Variants in CLSTN2 observed in about 807,000 individuals in gnomAD.
The protein encoded by CLSTN2 is calsyntenin 2.
In CLSTN2, 48 loss-of-function variants were observed where a neutral mutation model predicts 101.2. That is an observed-to-expected ratio of 0.47 (90% CI 0.38 to 0.60). CLSTN2 has a LOEUF of 0.60. CLSTN2 is among the 20% of genes least tolerant of loss of function. The probability of loss-of-function intolerance (pLI) is 0.00; values close to 1 mark genes in which losing one functional copy is unlikely to be tolerated. For synonymous variants in CLSTN2, 481 were observed against 463.6 expected, an observed-to-expected ratio of 1.04 and a Z score of -0.48; for missense variants, 1,160 against 1,238.2, an observed-to-expected ratio of 0.94 and a Z score of 0.95.
At chr3:140,076,109 C>T (rs1443555565) in intron 1 of CLSTN2, among the ~76,000 whole-genome samples, 1 of 152,178 alleles carries the variant, frequency 6.6e-6, no homozygotes, top group Non-Finnish European at 1.5e-5. Flanking sequence ...ATCCGGCCTT[C>T]TGTATGTGTT....
chr3:140,466,075 C>T (rs536628954), intron 7 of CLSTN2, among the ~76,000 whole-genome samples: 20 of 152,236 alleles, frequency 1.3e-4, no homozygotes, highest in African/African-American at 4.3e-4. Flanking sequence ...GAAAATCAAC[C>T]TCTCCCCTCC....
At chr3:140,437,098 G>A (rs752447043) in intron 5 of CLSTN2, among the ~76,000 whole-genome samples, 2 of 150,852 alleles carry the variant, frequency 1.3e-5, no homozygotes, top group Middle Eastern at 3.2e-3. Flanking sequence ...GCCCAGGCTG[G>A]AGTGCAGTGG....
chr3:140,111,090 T>C (rs1400574333), intron 1 of CLSTN2, among the ~76,000 whole-genome samples: 1 of 152,196 alleles, frequency 6.6e-6, no homozygotes, highest in African/African-American at 2.4e-5. Context: ...TCCTATCTCA[T>C]GGCTAATCAT....
rs1025208845 is a variant in CLSTN2, at chr3:140,420,585, T to G, written c.638-540T>G. ...CTTCTTCGGGGCGAAAAGTGTGTTA[T>G]TCTATGTCGCTTTCAGAAGGGAGGT... On this transcript the variant is annotated intron_variant, in intron 4 of 16. Coordinates refer to ENST00000458420, the MANE Select transcript of CLSTN2 (RefSeq NM_022131.3). Among the ~76,000 whole-genome samples, 8 of 152,224 alleles carry G rather than the reference T, an allele frequency of 5.3e-5. No homozygotes were observed. In the East Asian group the frequency reaches 1.5e-3, roughly 29 times the overall value.
At chr3:140,078,550 G>C (rs901096667) in intron 1 of CLSTN2, among the ~76,000 whole-genome samples, 8 of 152,166 alleles carry the variant, frequency 5.3e-5, no homozygotes, top group African/African-American at 1.9e-4. Context: ...ATGACTGACA[G>C]GTGAAAAGCT....
intron 1 of CLSTN2, among the ~76,000 whole-genome samples, chr3:140,121,111 G>T (rs961630889): frequency 1.3e-5 from 2 of 152,138 alleles, no homozygotes; most frequent in African/African-American, 4.8e-5. Context: ...AAGTAGTGCG[G>T]TGTCTCAGAG....
intron 1 of CLSTN2, among the ~76,000 whole-genome samples, chr3:140,065,664 A>G (rs533071408): frequency 1.4e-3 from 213 of 152,298 alleles, no homozygotes; most frequent in African/African-American, 4.8e-3. Flanking sequence ...CTAAGATACT[A>G]TAAAGTCTCT....
intron 10 of CLSTN2, among the ~76,000 whole-genome samples, chr3:140,547,506 GA>G (rs1034246337): frequency 6.6e-6 from 1 of 151,454 alleles, no homozygotes; most frequent in Non-Finnish European, 1.5e-5. Context: ...AGAAGAAAAA[GA>G]AAAAAAACAT....
At chr3:140,298,574 C>T (rs373849592) in intron 2 of CLSTN2, among the ~76,000 whole-genome samples, 1 of 152,102 alleles carries the variant, frequency 6.6e-6, no homozygotes, top group African/African-American at 2.4e-5. Context: ...CAGGGTTTGT[C>T]CCCCAGGAAC....
intron 9 of CLSTN2, among the ~76,000 whole-genome samples, chr3:140,545,640 C>T (rs758382785): frequency 1.3e-5 from 2 of 152,096 alleles, no homozygotes; most frequent in Non-Finnish European, 2.9e-5. Flanking sequence ...CTAGGGAAGG[C>T]GAGGCTTCAA....
chr3:140,554,290 A>G (rs577044049), intron 10 of CLSTN2, among the ~76,000 whole-genome samples: 3 of 152,220 alleles, frequency 2.0e-5, no homozygotes, highest in African/African-American at 7.2e-5. Context: ...TGTCAACAAT[A>G]GTGCTCATGA....
intron 1 of CLSTN2, among the ~76,000 whole-genome samples, chr3:140,143,716 T>C (rs1470101504): frequency 6.6e-6 from 1 of 152,216 alleles, no homozygotes; most frequent in Non-Finnish European, 1.5e-5. Flanking sequence ...CCTAATCAGT[T>C]GTGTAGGAAC....
chr3:140,293,946 C>T (rs1049782339), intron 2 of CLSTN2, among the ~76,000 whole-genome samples: 2 of 152,190 alleles, frequency 1.3e-5, no homozygotes, highest in Admixed American at 6.5e-5. Context: ...GACTGAGATG[C>T]AAACCATGGG....
chr3:140,501,162 T>C (rs1934566378), intron 8 of CLSTN2, among the ~76,000 whole-genome samples: 1 of 152,202 alleles, frequency 6.6e-6, no homozygotes, highest in African/African-American at 2.4e-5. Context: ...CACCTTGCTC[T>C]TGTTCTCTTT....
intron 2 of CLSTN2, among the ~76,000 whole-genome samples, chr3:140,326,825 C>G (rs2087336067): frequency 6.6e-6 from 1 of 152,160 alleles, no homozygotes; most frequent in Admixed American, 6.5e-5. Context: ...TTCGGTGTGA[C>G]ATTTTCCAAA....
At chr3:140,404,140 G>A (rs537419313) in intron 3 of CLSTN2, among the ~76,000 whole-genome samples, 3 of 152,334 alleles carry the variant, frequency 2.0e-5, no homozygotes, top group African/African-American at 7.2e-5. Context: ...CCTTTCCCTG[G>A]GCCTCTGCCG....
intron 1 of CLSTN2, among the ~76,000 whole-genome samples, chr3:139,968,005 A>G (rs1488533555): frequency 6.6e-6 from 1 of 151,866 alleles, no homozygotes; most frequent in Non-Finnish European, 1.5e-5. Context: ...GTGTGTGTGC[A>G]TGTGTGTGTG....
At chr3:140,175,841 T>C (rs2010314802) in intron 1 of CLSTN2, 110 bp from the exon 2 acceptor site, 1 of 1,019,214 alleles carries the variant, frequency 9.8e-7, no homozygotes, top group African/African-American at 1.6e-5. Context: ...TCTCATGGGA[T>C]TGTTGGATGA....
chr3:140,344,597 C>T lies in CLSTN2; in HGVS notation c.233-59032C>T, dbSNP rs535910419. On this transcript the variant is annotated intron_variant, in intron 2 of 16. Coordinates refer to ENST00000458420, the MANE Select transcript of CLSTN2 (RefSeq NM_022131.3). Reference sequence around the variant, plus strand: ...ACCCTCCCACTGGGGGTCCAACTACCGCACTCTCTGACTAATTTCTACTCA... The same window carrying T: ...ACCCTCCCACTGGGGGTCCAACTACTGCACTCTCTGACTAATTTCTACTCA... Among the ~76,000 whole-genome samples the T allele has an allele frequency of 3.1e-4, 47 of 152,272 alleles. 1 individual carries two copies. Among genetic ancestry groups the T allele is most frequent in the African/African-American group, 9.1e-4 (38 of 41,564 alleles).
Sources: gnomAD v4.1 joint callset for allele counts (sites outside exome capture counted in the v4.1 genomes callset) on GRCh38, gnomAD v4.1.1 for gene constraint, MANE v1.5 for transcripts, NCBI Gene and HGNC (gene_info 2026-07-23, HGNC 2026-07-21) for gene names.